UGT2A2: variants seen among roughly 807,000 people sequenced by gnomAD.
UGT2A2 encodes the protein UDP-glucuronosyltransferase 2A2.
Under a neutral mutation model 50.7 loss-of-function variants are expected in UGT2A2, and 60 were observed. The ratio of observed to expected loss-of-function variants is 1.18; its 90% CI spans 0.96 to 1.47. UGT2A2 has a LOEUF of 1.47. UGT2A2 is among the 40% of genes most tolerant of loss of function. The probability of loss-of-function intolerance (pLI) is 0.00; values close to 1 mark genes in which losing one functional copy is unlikely to be tolerated. For synonymous variants in UGT2A2, 242 were observed against 214.6 expected (o/e 1.13, Z -1.11); for missense variants, 762 against 634.0 (o/e 1.20, Z -2.17).
chr4:69,599,790 G>C, intron 1 of UGT2A2: 3 of 156,226 alleles, frequency 1.9e-5, no homozygotes, highest in Admixed American at 6.7e-5. Context: ...GAAGGAGGGA[G>C]GATTTTTTGT....
chr4:69,620,719 T>G (rs1289791977), intron 1 of UGT2A2, among the ~76,000 whole-genome samples: 1 of 148,500 alleles, frequency 6.7e-6, no homozygotes, highest in Non-Finnish European at 1.5e-5. Flanking sequence ...GATGGAGTCA[T>G]CACACAATCC....
In UGT2A2 at chr4:69,595,230, C is replaced by T. The variant is rs757755456; in HGVS notation, c.1043G>A (p.Gly348Glu). The change falls in exon 4 of 6, where the codon GGA (glycine) becomes GAA (glutamate). Residue 348 changes from glycine (G) to glutamate (E), a missense_variant. Gly to Glu is a moderately conservative substitution (Grantham distance 98, BLOSUM62 -2). Coordinates refer to ENST00000604629, the MANE Select transcript of UGT2A2 (RefSeq NM_001105677.2). ...IPQKVLWRYK[G>E]KKPATLGNNT... ...GTTTCCTAATGTGGCTGGTTTCTTT[C>T]CTTTGTATCTCCATAAAACCTGTGG... is the stretch of plus-strand genomic sequence containing the variant. 1.1e-5 allele frequency: 18 copies of T among 1,613,582 alleles called. No individual in the cohort carries two copies. In the South Asian group the frequency reaches 1.9e-4, roughly 17 times the overall value.
chr4:69,614,004 G>A (rs1299303258), intron 1 of UGT2A2, among the ~76,000 whole-genome samples: 1 of 151,896 alleles, frequency 6.6e-6, no homozygotes, highest in African/African-American at 2.4e-5. Context: ...AAGAAGTAAA[G>A]GGCATTCAAA....
chr4:69,617,902 CACAGTA>C (rs1720496492), intron 1 of UGT2A2, among the ~76,000 whole-genome samples: 1 of 151,732 alleles, frequency 6.6e-6, no homozygotes, highest in South Asian at 2.1e-4. Flanking sequence ...ACAAAACCGA[CACAGTA>C]ACAGTAACAA....
At chr4:69,636,581 T>C (rs1483690020) in intron 1 of UGT2A2, among the ~76,000 whole-genome samples, 1 of 152,122 alleles carries the variant, frequency 6.6e-6, no homozygotes. Flanking sequence ...ACAAAGCCTT[T>C]TTCACACTTA....
At chr4:69,623,944 A>T (rs1720896528) in intron 1 of UGT2A2, among the ~76,000 whole-genome samples, 1 of 151,656 alleles carries the variant, frequency 6.6e-6, no homozygotes, top group African/African-American at 2.4e-5. Flanking sequence ...CAAGCACCTT[A>T]AAAAAGCATC....
chr4:69,598,696 G>T (rs1303170607), intron 2 of UGT2A2, among the ~76,000 whole-genome samples: 3 of 151,998 alleles, frequency 2.0e-5, no homozygotes, highest in African/African-American at 4.8e-5. Context: ...ACTCACCATT[G>T]TCAACTCAAA....
chr4:69,623,821 T>G (rs576911559), intron 1 of UGT2A2, among the ~76,000 whole-genome samples: 4 of 151,586 alleles, frequency 2.6e-5, no homozygotes, highest in Non-Finnish European at 5.9e-5. Flanking sequence ...TTAAAACAGA[T>G]TCATTTGAAA....
chr4:69,599,532 T>C (rs1311147828), intron 1 of UGT2A2, 138 bp from the exon 2 acceptor site: 10 of 1,218,634 alleles, frequency 8.2e-6, no homozygotes, highest in Middle Eastern at 4.0e-4. Context: ...ATCATGTTTA[T>C]ATATTAAGAA....
Position 69,638,944 on chromosome 4 carries a change from G to T in UGT2A2, c.697C>A (p.Gln233Lys). Residue 233 changes from glutamine (Q) to lysine (K), a missense_variant, in exon 1 of 6, where the codon CAG becomes AAG. Gln to Lys is a moderately conservative substitution (Grantham distance 53). Coordinates refer to ENST00000604629, the MANE Select transcript of UGT2A2 (RefSeq NM_001105677.2). ...ISYSLQDYIF[Q>K]SYWGEWNSYY... is the part of the protein sequence containing the mutation. Reference sequence around the variant, plus strand: ...GAATTCCATTCTCCCCAGTAGGACTGAAATATATAGTCTTGCAGAGAATAA... The same window carrying T: ...GAATTCCATTCTCCCCAGTAGGACTTAAATATATAGTCTTGCAGAGAATAA... The T allele has an allele frequency of 6.2e-7, 1 of 1,612,260 alleles. No individual in the cohort carries two copies. Among genetic ancestry groups the T allele is most frequent in the South Asian group, 1.1e-5 (1 of 90,772 alleles).
At chr4:69,601,751 T>A (rs1339742226) in intron 1 of UGT2A2, among the ~76,000 whole-genome samples, 1 of 85,938 alleles carries the variant, frequency 1.2e-5, no homozygotes, top group Non-Finnish European at 2.3e-5. Context: ...TATCCACTGA[T>A]GGGAGACTAG....
chr4:69,629,651 A>C (rs1721278368), intron 1 of UGT2A2, among the ~76,000 whole-genome samples: 1 of 152,066 alleles, frequency 6.6e-6, no homozygotes. Flanking sequence ...CCGTCACCAC[A>C]TATCATTTCT....
chr4:69,619,990 T>C (rs6855294), intron 1 of UGT2A2, among the ~76,000 whole-genome samples: 53,460 of 151,794 alleles, frequency 0.35, 9,746 homozygotes, highest in African/African-American at 0.43. Flanking sequence ...TACCTCAAAA[T>C]AATAAGAGAC....
chr4:69,623,358 A>G (rs1213097599), intron 1 of UGT2A2, among the ~76,000 whole-genome samples: 1 of 151,756 alleles, frequency 6.6e-6, no homozygotes, highest in Non-Finnish European at 1.5e-5. Flanking sequence ...AAGAATTTGA[A>G]TACAAGTAAT....
chr4:69,618,532 G>A (rs4148288), intron 1 of UGT2A2, among the ~76,000 whole-genome samples: 6,762 of 151,882 alleles, frequency 0.045, 199 homozygotes, highest in Middle Eastern at 0.071. Flanking sequence ...CCATGTGGCC[G>A]TTGAATGAGA....
At chr4:69,635,673 T>C in intron 1 of UGT2A2, 2 of 261,802 alleles carry the variant, frequency 7.6e-6, no homozygotes, top group South Asian at 6.2e-5. Context: ...CTATTAAAAA[T>C]ACAAAAATTA....
chr4:69,594,688 TG>T lies in UGT2A2; in HGVS notation c.1119del (p.Thr375ProfsTer39), dbSNP rs1718813531. Reference sequence around the variant, plus strand: ...CCATGAGTGATAAAAGCTTTGGTTTTGGGATGTCCTAATTTGAGGATGGAGT... The same window carrying T: ...CCATGAGTGATAAAAGCTTTGGTTTTGGATGTCCTAATTTGAGGATGGAGT... ...WIPQNDLLGH[P>X]KTKAFITHGG... On this transcript the variant is annotated frameshift_variant, in exon 5 of 6. Transcript: ENST00000604629. LOFTEE classifies it high-confidence loss of function. The T allele has an allele frequency of 3.1e-6, 5 of 1,613,316 alleles. No homozygotes were observed. The highest frequency in any genetic ancestry group is 4.2e-6 in the Non-Finnish European group (5 of 1,179,564).
chr4:69,635,215 TATATC>T (rs1249217196), intron 1 of UGT2A2, among the ~76,000 whole-genome samples: 3 of 152,076 alleles, frequency 2.0e-5, no homozygotes, highest in Non-Finnish European at 4.4e-5. Flanking sequence ...ATAAATAAAA[TATATC>T]AGCAGGGAAA....
At chr4:69,610,677 C>T (rs1459649124) in intron 1 of UGT2A2, among the ~76,000 whole-genome samples, 2 of 152,032 alleles carry the variant, frequency 1.3e-5, no homozygotes, top group Non-Finnish European at 2.9e-5. Context: ...GACTAGTGTC[C>T]TTCCAAGAAG....
Sources: gnomAD v4.1 joint callset for allele counts (sites outside exome capture counted in the v4.1 genomes callset) on GRCh38, gnomAD v4.1.1 for gene constraint, MANE v1.5 for transcripts, NCBI Gene and HGNC (gene_info 2026-07-23, HGNC 2026-07-21) for gene names.